Variants in TUBA4B observed in about 807,000 individuals in gnomAD.
The protein encoded by TUBA4B is tubulin-like protein alpha-4B.
Under a neutral mutation model 18.4 loss-of-function variants are expected in TUBA4B, and 13 were observed. That is an observed-to-expected ratio of 0.71 (90% confidence interval 0.46 to 1.12). The LOEUF (loss-of-function observed/expected upper bound fraction) is 1.12. Ranked by LOEUF, TUBA4B falls within the 50% of genes most tolerant of loss-of-function variation. TUBA4B has a pLI of 0.00. For missense variants in TUBA4B, 244 were observed against 250.0 expected (o/e 0.98, Z 0.16); for synonymous variants, 101 against 99.1 (o/e 1.02, Z -0.11).
chr2:219,256,137 G>C (rs1315063171), intron 1 of TUBA4B, among the ~76,000 whole-genome samples: 2 of 152,306 alleles, frequency 1.3e-5, no homozygotes, highest in East Asian at 3.9e-4. Context: ...CATAGTAAGA[G>C]ACTTGAGCTA....
Position 219,257,105 on chromosome 2 carries a change from G to A in TUBA4B, c.12+3686G>A, listed in dbSNP as rs558459730. 7.5e-5 allele frequency among the ~76,000 whole-genome samples: 11 copies of A among 147,504 alleles called. No homozygotes were observed. In the East Asian group the frequency reaches 1.2e-3, roughly 16 times the overall value. On this transcript the variant is annotated intron_variant, in intron 1 of 3. Transcript: ENST00000490341. ...GTTGCCCAGGCTGGAGTACAGTGGC[G>A]CGATCTCGGCTCACTGCAAGCTCCA...
intron 1 of TUBA4B, among the ~76,000 whole-genome samples, chr2:219,261,186 T>C (rs1012111843): frequency 5.3e-5 from 8 of 152,100 alleles, no homozygotes; most frequent in African/African-American, 1.9e-4. Flanking sequence ...ATGTCACCAA[T>C]AACTCCAGTG....
intron 3 of TUBA4B, among the ~76,000 whole-genome samples, chr2:219,270,728 T>G (rs1951819985): frequency 7.1e-6 from 1 of 140,404 alleles, no homozygotes. Context: ...TGGCTTTGGC[T>G]TCTACGAAGG....
intron 2 of TUBA4B, among the ~76,000 whole-genome samples, chr2:219,267,626 G>A (rs1455987662): frequency 8.6e-5 from 13 of 150,962 alleles, no homozygotes; most frequent in African/African-American, 2.9e-4. Flanking sequence ...GTGCAGTGGC[G>A]CAATCTCGGC....
At chr2:219,266,242 G>A (rs577816488) in intron 1 of TUBA4B, 2 of 402,646 alleles carry the variant, frequency 5.0e-6, no homozygotes, top group African/African-American at 4.1e-5. Context: ...CCAGGAAATG[G>A]GATTGCGTGA....
intron 1 of TUBA4B, among the ~76,000 whole-genome samples, chr2:219,255,334 G>A (rs1480108990): frequency 6.6e-6 from 1 of 152,198 alleles, no homozygotes; most frequent in African/African-American, 2.4e-5. Context: ...TGCCTCGCGG[G>A]TTCTAGCGAT....
intron 2 of TUBA4B, among the ~76,000 whole-genome samples, chr2:219,268,828 G>A: frequency 6.6e-6 from 1 of 152,224 alleles, no homozygotes; most frequent in Non-Finnish European, 1.5e-5. Flanking sequence ...GGCGGCGGTG[G>A]CTCATGCCTG....
chr2:219,253,518 T>C lies in TUBA4B; in HGVS notation c.12+99T>C. 1.3e-5 allele frequency: 14 copies of C among 1,050,646 alleles called. No homozygotes were observed. In the South Asian group the frequency reaches 1.8e-4, roughly 13 times the overall value. The allele number at this position is 1,050,646 out of a possible 1,614,324, so 65.1% of individuals were successfully genotyped here. The stretch of plus-strand genomic sequence containing the variant: ...TAAGAGGGCAGCCAAACCCGTCTTC[T>C]TTTGCCCGCGGAAAGGACGGGGCGC... On this transcript the variant is annotated intron_variant, in intron 1 of 3. Coordinates refer to ENST00000490341, the MANE Select transcript of TUBA4B (RefSeq NM_001355221.1).
intron 1 of TUBA4B, 139 bp downstream of exon 1, chr2:219,253,558 C>G (rs1300560823): frequency 2.5e-6 from 2 of 788,752 alleles, no homozygotes; most frequent in South Asian, 1.5e-5. Context: ...CCGCGTGACT[C>G]TCATACAGAG....
At chr2:219,254,056 G>C in intron 1 of TUBA4B, 1 of 489,858 alleles carries the variant, frequency 2.0e-6, no homozygotes, top group Non-Finnish European at 3.6e-6. Flanking sequence ...GGCGGAGCCT[G>C]GCCTGGTACC....
In TUBA4B at chr2:219,272,033, G is replaced by C. The variant is rs1327909716; in HGVS notation, c.*334G>C. On this transcript the variant is annotated 3_prime_UTR_variant, in exon 4 of 4. Coordinates refer to ENST00000490341, the MANE Select transcript of TUBA4B (RefSeq NM_001355221.1). ...GATATGTGGGTGAGGGCATGGAGGAGGGTGAGTTCTCCAAGGCCCATGAGG... is the reference window on the plus strand; with the variant it reads ...GATATGTGGGTGAGGGCATGGAGGACGGTGAGTTCTCCAAGGCCCATGAGG... 3 of 1,475,222 alleles carry C rather than the reference G, an allele frequency of 2.0e-6. No homozygotes were observed. Among genetic ancestry groups the C allele is most frequent in the Non-Finnish European group, 2.8e-6 (3 of 1,055,208 alleles). 91.4% of individuals were successfully genotyped at this position (1,475,222 alleles called of 1,614,324 possible).
intron 1 of TUBA4B, among the ~76,000 whole-genome samples, chr2:219,257,843 T>A (rs1052948791): frequency 2.0e-5 from 3 of 150,094 alleles, no homozygotes; most frequent in African/African-American, 4.9e-5. Flanking sequence ...ATACACACAC[T>A]ATATATATAT....
At chr2:219,258,145 C>A (rs1054357169) in intron 1 of TUBA4B, among the ~76,000 whole-genome samples, 3 of 151,990 alleles carry the variant, frequency 2.0e-5, no homozygotes, top group Non-Finnish European at 4.4e-5. Context: ...AGGTGCACAG[C>A]ATGCCTGGCT....
chr2:219,270,514 G>C (rs1951819013), intron 3 of TUBA4B, among the ~76,000 whole-genome samples, 179 bp downstream of exon 3: 1 of 152,166 alleles, frequency 6.6e-6, no homozygotes, highest in African/African-American at 2.4e-5. Context: ...TTCCAGCCTG[G>C]AGCTGGTGTC....
intron 1 of TUBA4B, among the ~76,000 whole-genome samples, chr2:219,259,128 A>T (rs200250188): frequency 5.2e-4 from 7 of 13,530 alleles, no homozygotes; most frequent in East Asian, 2.2e-3. Context: ...TAAAAATAAT[A>T]AATAAATAAA....
intron 1 of TUBA4B, 123 bp downstream of exon 1, chr2:219,253,542 G>A (rs989158427): frequency 4.4e-5 from 37 of 850,304 alleles, no homozygotes; most frequent in Admixed American, 2.7e-4. Flanking sequence ...AGGACGGGGC[G>A]CGGGCCCGCG....
rs1003321387 is a variant in TUBA4B at position 219,271,833 on chromosome 2, C to G, written c.*134C>G. 3.2e-6 allele frequency: 5 copies of G among 1,573,684 alleles called. No individual in the cohort carries two copies. Among genetic ancestry groups the G allele is most frequent in the Middle Eastern group, 3.3e-4 (2 of 6,002 alleles). On this transcript the variant is annotated 3_prime_UTR_variant, in exon 4 of 4. Transcript: ENST00000490341. ...GCATTCAGTTTGTGGACTGGTGCCC[C>G]ACAGGCTTTAAGGTTGATATCAATC...
chr2:219,264,030 C>G (rs1951774534), intron 1 of TUBA4B, among the ~76,000 whole-genome samples: 1 of 152,240 alleles, frequency 6.6e-6, no homozygotes, highest in South Asian at 2.1e-4. Flanking sequence ...TCCCCCCTTA[C>G]TTACAAAGAT....
chr2:219,253,253 A>G lies in TUBA4B; in HGVS notation c.-155A>G. 1 of 1,493,854 alleles carries G rather than the reference A, an allele frequency of 6.7e-7. No homozygotes were observed. 92.5% of individuals were successfully genotyped at this position (1,493,854 alleles called of 1,614,324 possible). A position where few individuals can be genotyped will look rare whatever the true frequency, so the allele number is the denominator to read the frequency against. On this transcript the variant is annotated 5_prime_UTR_variant, in exon 1 of 4. Coordinates refer to ENST00000490341, the MANE Select transcript of TUBA4B (RefSeq NM_001355221.1). ...TGCTCAGCGCCAGCTGTCTCTGCCC[A>G]TCCGCGCACCCGGGCTTCGGCTGGA...
Sources: gnomAD v4.1 joint callset for allele counts (sites outside exome capture counted in the v4.1 genomes callset) on GRCh38, gnomAD v4.1.1 for gene constraint, MANE v1.5 for transcripts, NCBI Gene and HGNC (gene_info 2026-07-23, HGNC 2026-07-21) for gene names.